Variants in PTPRK observed in about 807,000 individuals in gnomAD.
The protein encoded by PTPRK is receptor-type tyrosine-protein phosphatase kappa.
PTPRK carries 75 observed loss-of-function variants against 178.0 expected under a neutral mutation model. The ratio of observed to expected loss-of-function variants is 0.42; its 90% CI spans 0.35 to 0.51. The LOEUF (loss-of-function observed/expected upper bound fraction) is 0.51. Among genes scored for constraint, PTPRK ranks in the 20% least tolerant of loss-of-function variants. PTPRK has a pLI of 0.02. For missense variants in PTPRK, 1,441 were observed against 1,797.8 expected (o/e 0.80, Z 3.59); for synonymous variants, 637 against 620.6 (o/e 1.03, Z -0.39).
intron 4 of PTPRK, chr6:128,241,426 C>A: frequency 9.5e-6 from 4 of 420,170 alleles, no homozygotes; most frequent in South Asian, 7.4e-5. Context: ...GTAGGTGATT[C>A]CGAAGCACAC....
At chr6:128,379,619 T>C (rs1837594847) in intron 2 of PTPRK, among the ~76,000 whole-genome samples, 2 of 152,256 alleles carry the variant, frequency 1.3e-5, no homozygotes. Context: ...AGAAGTTCTT[T>C]GGCAGAAATG....
At chr6:128,111,070 T>C (rs1790576350) in intron 7 of PTPRK, among the ~76,000 whole-genome samples, 1 of 152,194 alleles carries the variant, frequency 6.6e-6, no homozygotes, top group African/African-American at 2.4e-5. Context: ...ACAATAGTTT[T>C]CTATATTTTT....
At chr6:128,462,985 G>A (rs779238062) in intron 1 of PTPRK, among the ~76,000 whole-genome samples, 20 of 152,074 alleles carry the variant, frequency 1.3e-4, no homozygotes, top group Admixed American at 7.2e-4. Flanking sequence ...TAATTTCTTC[G>A]TTAAATATTT....
chr6:128,285,289 C>A (rs955538752), intron 3 of PTPRK, among the ~76,000 whole-genome samples: 3 of 148,628 alleles, frequency 2.0e-5, no homozygotes, highest in African/African-American at 7.5e-5. Flanking sequence ...CCAAGGCAGG[C>A]GGGTCACCTG....
At chr6:128,029,006 G>T (rs1176641573) in intron 13 of PTPRK, among the ~76,000 whole-genome samples, 17 of 152,258 alleles carry the variant, frequency 1.1e-4, no homozygotes, top group Middle Eastern at 3.4e-3. Flanking sequence ...TCCATGGTCA[G>T]TTCTTGATCA....
chr6:128,202,823 G>A (rs1254028968), intron 6 of PTPRK, among the ~76,000 whole-genome samples: 1 of 152,048 alleles, frequency 6.6e-6, no homozygotes, highest in Non-Finnish European at 1.5e-5. Flanking sequence ...TCTACCAGAG[G>A]TACAAAGAAG....
chr6:128,150,536 T>C (rs556680607), intron 7 of PTPRK, among the ~76,000 whole-genome samples: 1 of 152,158 alleles, frequency 6.6e-6, no homozygotes, highest in South Asian at 2.1e-4. Flanking sequence ...CCTGCTCATC[T>C]TTTTAGAGGC....
chr6:128,462,058 C>G (rs2128412581), intron 1 of PTPRK, among the ~76,000 whole-genome samples: 1 of 152,160 alleles, frequency 6.6e-6, no homozygotes, highest in South Asian at 2.1e-4. Context: ...CCAACTCCTG[C>G]GCTCAAGCAA....
At position 128,480,066 on chromosome 6, in the gene PTPRK, G is replaced by A. The variant is rs570270797; in HGVS notation, c.100+40193C>T. Among the ~76,000 whole-genome samples the A allele has an allele frequency of 3.9e-5, 6 of 152,102 alleles. No homozygotes were observed. The South Asian group carries it at 1.0e-3, about 26-fold the overall frequency. ...CAGACATGTTGGCTCTGAATTACAC[G>A]AAAGTGCTGCCCCGACTCCCACTCC... On this transcript the variant is annotated intron_variant, in intron 1 of 29. Transcript: ENST00000368226.
At position 128,103,998 on chromosome 6, in the gene PTPRK, T is replaced by G. The variant is rs1267934195; in HGVS notation, c.1163-14006A>C. Reference sequence around the variant, plus strand: ...GCTTGCTCCGTTCAAACATGCCAGCTACGCTTCTTGTCCCAAGCAGGGCCT... The same window carrying G: ...GCTTGCTCCGTTCAAACATGCCAGCGACGCTTCTTGTCCCAAGCAGGGCCT... On this transcript the variant is annotated intron_variant, in intron 7 of 29. Transcript: ENST00000368226. Among the ~76,000 whole-genome samples, 6 of 152,172 alleles carry G rather than the reference T, an allele frequency of 3.9e-5. No individual in the cohort carries two copies. The East Asian group carries it at 1.2e-3, about 29-fold the overall frequency.
At chr6:128,490,488 G>A (rs1219263712) in intron 1 of PTPRK, among the ~76,000 whole-genome samples, 2 of 152,280 alleles carry the variant, frequency 1.3e-5, no homozygotes, top group East Asian at 1.9e-4. Flanking sequence ...AGATGCCAGA[G>A]GCAGAATATG....
intron 1 of PTPRK, among the ~76,000 whole-genome samples, chr6:128,482,549 A>T (rs1162556458): frequency 6.6e-6 from 1 of 152,184 alleles, no homozygotes; most frequent in Non-Finnish European, 1.5e-5. Flanking sequence ...CTCAATGGAA[A>T]GGCTAAAAGT....
At chr6:128,117,898 C>A (rs1414192308) in intron 7 of PTPRK, among the ~76,000 whole-genome samples, 1 of 152,110 alleles carries the variant, frequency 6.6e-6, no homozygotes, top group Non-Finnish European at 1.5e-5. Context: ...GGCAATCCAC[C>A]CACGTCGGCC....
chr6:128,327,359 T>C (rs771152341), intron 2 of PTPRK, among the ~76,000 whole-genome samples: 1 of 152,188 alleles, frequency 6.6e-6, no homozygotes, highest in African/African-American at 2.4e-5. Context: ...TTATTTAAAA[T>C]CTGTTGAATG....
At chr6:127,991,024 C>A (rs925134660) in intron 20 of PTPRK, 139 bp from the exon 21 acceptor site, 10 of 625,634 alleles carry the variant, frequency 1.6e-5, no homozygotes, top group South Asian at 2.4e-5. Context: ...ATCTATTATA[C>A]AATAAACAGA....
intron 5 of PTPRK, among the ~76,000 whole-genome samples, chr6:128,226,761 C>CATATATATATATATATAT (rs71028117): frequency 3.5e-4 from 38 of 109,532 alleles, no homozygotes; most frequent in Non-Finnish European, 5.0e-4. Flanking sequence ...ATTATATAGA[C>CATATATATATATATATAT]ATATATATAT....
At chr6:128,280,569 AT>A (rs1821512393) in intron 3 of PTPRK, among the ~76,000 whole-genome samples, 1 of 152,206 alleles carries the variant, frequency 6.6e-6, no homozygotes, top group Admixed American at 6.5e-5. Flanking sequence ...CCTTTGGGAA[AT>A]TAAGTTTATG....
intron 7 of PTPRK, among the ~76,000 whole-genome samples, chr6:128,147,949 G>A (rs957424057): frequency 2.6e-5 from 4 of 151,998 alleles, no homozygotes; most frequent in Non-Finnish European, 5.9e-5. Context: ...TTGTGGAGAA[G>A]GTTAAAAGGT....
chr6:128,217,840 C>T (rs1809631208), intron 6 of PTPRK, among the ~76,000 whole-genome samples: 1 of 152,146 alleles, frequency 6.6e-6, no homozygotes, highest in African/African-American at 2.4e-5. Flanking sequence ...GATAGTTTTA[C>T]AGTCTCAGCC....
Sources: gnomAD v4.1 joint callset for allele counts (sites outside exome capture counted in the v4.1 genomes callset) on GRCh38, gnomAD v4.1.1 for gene constraint, MANE v1.5 for transcripts, NCBI Gene and HGNC (gene_info 2026-07-23, HGNC 2026-07-21) for gene names.